The following SYNE1 variants were observed in gnomAD, a reference collection of about 807,000 sequenced individuals.
SYNE1 encodes the protein nesprin-1.
A neutral mutation model predicts 1,111.0 loss-of-function variants in SYNE1; 616 were observed. The ratio of observed to expected loss-of-function variants is 0.55; its 90% confidence interval spans 0.52 to 0.59. The LOEUF is 0.59. Ranked by LOEUF, SYNE1 falls within the 20% of genes least tolerant of loss-of-function variation. The pLI is 0.00. For missense variants in SYNE1, 10,006 were observed against 10,417.0 expected, an observed-to-expected ratio of 0.96 and a Z score of 1.72; for synonymous variants, 3,855 against 3,825.8, an observed-to-expected ratio of 1.01 and a Z score of -0.28.
In SYNE1 at chr6:152,130,713, G is replaced by A. The variant is rs1399661700; in HGVS notation, c.26153+7C>T. 1 of 1,614,008 alleles carries A rather than the reference G, an allele frequency of 6.2e-7. No homozygotes were observed. The highest frequency in any genetic ancestry group is 1.3e-5 in the African/African-American group (1 of 74,930). ...AGAACAGTGTGGAAACCAGGAGAAG[G>A]AGGTACCTGCTATGTGGACTGCTGA... is the stretch of plus-strand genomic sequence containing the variant. On this transcript the variant is annotated splice_region_variant and intron_variant, in intron 145 of 145. Coordinates refer to ENST00000367255, the MANE Select transcript of SYNE1 (RefSeq NM_182961.4).
intron 41 of SYNE1, among the ~76,000 whole-genome samples, chr6:152,414,524 T>C (rs1480165620): frequency 6.6e-6 from 1 of 152,184 alleles, no homozygotes; most frequent in Admixed American, 6.5e-5. Flanking sequence ...ATTTAATTCC[T>C]AAAAGATGGT....
chr6:152,226,046 CA>C (rs903876191), intron 115 of SYNE1, among the ~76,000 whole-genome samples, 170 bp from the exon 116 acceptor site: 10 of 149,144 alleles, frequency 6.7e-5, no homozygotes, highest in Admixed American at 1.3e-4. Flanking sequence ...CACTCAAATG[CA>C]AAAAAAAAGT....
At chr6:152,317,407 G>A (rs565339367) in intron 86 of SYNE1, among the ~76,000 whole-genome samples, 2 of 151,512 alleles carry the variant, frequency 1.3e-5, no homozygotes, top group Admixed American at 6.6e-5. Flanking sequence ...ATCTTTTGTA[G>A]GTTTCACCAT....
intron 3 of SYNE1, 37 bp downstream of exon 3, chr6:152,628,228 T>A (rs777087072): frequency 1.9e-6 from 3 of 1,609,718 alleles, no homozygotes; most frequent in Non-Finnish European, 2.6e-6. Flanking sequence ...AAGATGGTAT[T>A]TGAATTTTTT....
chr6:152,348,643 C>T (rs1471440298), intron 72 of SYNE1, among the ~76,000 whole-genome samples: 2 of 151,858 alleles, frequency 1.3e-5, no homozygotes, highest in Non-Finnish European at 2.9e-5. Context: ...TGAGGTTGCA[C>T]CATTGCACTC....
intron 3 of SYNE1, among the ~76,000 whole-genome samples, chr6:152,581,953 A>C (rs2099521187): frequency 6.6e-6 from 1 of 152,102 alleles, no homozygotes; most frequent in Admixed American, 6.6e-5. Flanking sequence ...GCCACCTTAA[A>C]ATGGGTTACC....
rs1159424311 is a variant in SYNE1, at chr6:152,188,957, CAAAAAAAAAAAAAAA to C, written c.23301+280_23301+294del. On this transcript the variant is annotated intron_variant, in intron 128 of 145. Coordinates refer to ENST00000367255, the MANE Select transcript of SYNE1 (RefSeq NM_182961.4). ...TGGGCAAAAGAGTGAGACTCTGTCT[CAAAAAAAAAAAAAAA>C]AAAAAAAAAAAAATATATATATATA... Among the ~76,000 whole-genome samples, 6 of 49,080 alleles carry C rather than the reference CAAAAAAAAAAAAAAA, an allele frequency of 1.2e-4. No homozygotes were observed. In the East Asian group the frequency reaches 3.8e-3, roughly 31 times the overall value. The allele number at this position is 49,080 out of a possible 152,430, so 32.2% of individuals were successfully genotyped here. A position where few individuals can be genotyped will look rare whatever the true frequency, so the allele number is the denominator to read the frequency against.
rs1239993725 is a variant in SYNE1 at position 152,330,928 on chromosome 6, A to T, written c.13757T>A (p.Phe4586Tyr). ...HWLKQADIVT[F>Y]PEINLMNESS... ...CTCATTCATTAGGTTGATTTCAGGA[A>T]ATGTAACAATATCTGCTTGTTTTAG... The change falls in exon 78 of 146, where the codon TTT becomes TAT. Residue 4586 changes from phenylalanine to tyrosine, a missense_variant. Transcript: ENST00000367255. 1 of 1,614,136 alleles carries T rather than the reference A, an allele frequency of 6.2e-7. No individual in the cohort carries two copies. The highest frequency in any genetic ancestry group is 1.1e-5 in the South Asian group (1 of 91,072).
chr6:152,276,331 G>A (rs978950081), intron 98 of SYNE1, among the ~76,000 whole-genome samples: 2 of 151,898 alleles, frequency 1.3e-5, no homozygotes, highest in Non-Finnish European at 2.9e-5. Flanking sequence ...CACTGTGCTC[G>A]GCTGACTTCA....
chr6:152,536,650 C>T (rs2695258), intron 4 of SYNE1, among the ~76,000 whole-genome samples: 29,236 of 150,720 alleles, frequency 0.19, 3,052 homozygotes, highest in Middle Eastern at 0.31. Flanking sequence ...ACTGAATTTC[C>T]TAGCTTTCCC....
intron 3 of SYNE1, among the ~76,000 whole-genome samples, chr6:152,589,985 C>A (rs114444181): frequency 0.022 from 3,263 of 149,582 alleles, 128 homozygotes; most frequent in African/African-American, 0.076. Context: ...CAGGCTAGGG[C>A]ACCTAGTGGT....
chr6:152,550,359 T>C (rs2099336112), intron 3 of SYNE1, among the ~76,000 whole-genome samples: 1 of 152,132 alleles, frequency 6.6e-6, no homozygotes, highest in South Asian at 2.1e-4. Context: ...TTTAGAACTA[T>C]ATAAAGCAAA....
At chr6:152,195,626 G>A (rs922731978) in intron 127 of SYNE1, among the ~76,000 whole-genome samples, 1 of 152,204 alleles carries the variant, frequency 6.6e-6, no homozygotes, top group Non-Finnish European at 1.5e-5. Flanking sequence ...AGAGATTCTT[G>A]TTCTCTTTCC....
At chr6:152,622,149 T>G (rs2099676890) in intron 3 of SYNE1, among the ~76,000 whole-genome samples, 1 of 152,192 alleles carries the variant, frequency 6.6e-6, no homozygotes, top group Non-Finnish European at 1.5e-5. Context: ...AATATTTATG[T>G]GGGAAAAGAG....
intron 107 of SYNE1, among the ~76,000 whole-genome samples, chr6:152,241,953 G>T (rs1482834267): frequency 1.3e-5 from 2 of 152,166 alleles, no homozygotes; most frequent in African/African-American, 4.8e-5. Context: ...CTCATCTAGG[G>T]AGAAAGCCTG....
chr6:152,254,165 T>G (rs2090229966), intron 104 of SYNE1, among the ~76,000 whole-genome samples: 1 of 151,276 alleles, frequency 6.6e-6, no homozygotes, highest in South Asian at 2.1e-4. Flanking sequence ...GTAGAAGTAA[T>G]TAGACCACAG....
rs758684008 is a variant in SYNE1, at chr6:152,396,912, C to A, written c.7419G>T (p.Leu2473Phe). Residue 2473 changes from leucine (L) to phenylalanine (F), a missense_variant, in exon 50 of 146, where the codon TTG (leucine) becomes TTT (phenylalanine). By Grantham distance (22) the Leu-to-Phe change is conservative. This residue lies in a region of SYNE1 where 4,955 missense variants were observed against 5,017.2 expected (regional missense o/e 0.99). Transcript: ENST00000367255. ...CAATTTGTTTAGACAAATGTGCATACAAAGTTTGTCCTTCTTGAGTCACTG... is the reference window on the plus strand; with the variant it reads ...CAATTTGTTTAGACAAATGTGCATAAAAAGTTTGTCCTTCTTGAGTCACTG... The part of the protein sequence containing the change: ...LDAVTQEGQT[L>F]YAHLSKQIVS... 1.3e-5 allele frequency: 21 copies of A among 1,614,178 alleles called. 1 individual carries two copies. Among genetic ancestry groups the A allele is most frequent in the Non-Finnish European group, 3.4e-6 (4 of 1,180,036 alleles).
intron 3 of SYNE1, among the ~76,000 whole-genome samples, chr6:152,582,889 C>T (rs2128439840): frequency 6.6e-6 from 1 of 152,104 alleles, no homozygotes; most frequent in East Asian, 1.9e-4. Flanking sequence ...AAATTTATTT[C>T]ATAATTTCTA....
chr6:152,358,430 C>T lies in SYNE1; in HGVS notation c.10551G>A (p.Gln3517=). Reference sequence around the variant, plus strand: ...GGGCATCACCTTCAAGAACTGAATACTGGTCGAGCTTTTCTTGTTCTTGCC... The same window carrying T: ...GGGCATCACCTTCAAGAACTGAATATTGGTCGAGCTTTTCTTGTTCTTGCC... ...WLGQEQEKLD[Q]YSVLEGDAHT... Residue 3517 remains glutamine (Q), a synonymous_variant, in exon 66 of 146, where the codon CAG becomes CAA. Coordinates refer to ENST00000367255, the MANE Select transcript of SYNE1 (RefSeq NM_182961.4). 6.2e-7 allele frequency: 1 copy of T among 1,614,182 alleles called. No individual in the cohort carries two copies. The highest frequency in any genetic ancestry group is 8.5e-7 in the Non-Finnish European group (1 of 1,180,026).
Sources: allele counts gnomAD v4.1 joint callset (sites outside exome capture counted in the v4.1 genomes callset), GRCh38; gene constraint gnomAD v4.1.1; regional missense constraint gnomAD v4.1.1; transcripts MANE v1.5; gene names NCBI Gene and HGNC (gene_info 2026-07-23, HGNC 2026-07-21).